MIA3: variants seen among roughly 807,000 people sequenced by gnomAD.
MIA3 encodes transport and Golgi organization protein 1 homolog.
In MIA3, 90 loss-of-function variants were observed where a neutral mutation model predicts 192.4. The ratio of observed to expected loss-of-function variants is 0.47; its 90% CI spans 0.39 to 0.56. The LOEUF is 0.56. Ranked by LOEUF, MIA3 falls within the 20% of genes least tolerant of loss-of-function variation. The probability of loss-of-function intolerance (pLI) is 0.00; values close to 1 mark genes in which losing one functional copy is unlikely to be tolerated. For synonymous variants in MIA3, 740 were observed against 792.8 expected (o/e 0.93, Z 1.12); for missense variants, 2,123 against 2,269.4 (o/e 0.94, Z 1.31).
intron 6 of MIA3, among the ~76,000 whole-genome samples, chr1:222,645,197 C>G (rs1479812001): frequency 6.6e-6 from 1 of 152,084 alleles, no homozygotes; most frequent in African/African-American, 2.4e-5. Context: ...GGTTTTTTGT[C>G]TTATGTGGTT....
At position 222,665,289 on chromosome 1, in the gene MIA3, AAAT is replaced by A; in HGVS notation, c.5414-16_5414-14del. 6.4e-7 allele frequency: 1 copy of A among 1,553,738 alleles called. No homozygotes were observed. Among genetic ancestry groups the A allele is most frequent in the Non-Finnish European group, 8.7e-7 (1 of 1,148,470 alleles). On this transcript the variant is annotated splice_polypyrimidine_tract_variant and intron_variant, in intron 27 of 27. Transcript: ENST00000344922. ...AAATACGTTCCTAGGAATTTACTGG[AAAT>A]AATTTTTGTTTTCCAGGCCCTGGTA...
rs753973194 is a variant in MIA3, at chr1:222,659,542, T to C, written c.4770+29T>C. 52 of 1,610,832 alleles carry C rather than the reference T, an allele frequency of 3.2e-5. No individual in the cohort carries two copies. In the South Asian group the frequency reaches 5.5e-4, roughly 17 times the overall value. ...ATAATTCTAGTGCCCTACTATATAG[T>C]GCCCGGAATTCTTTGATAACTAATA... On this transcript the variant is annotated intron_variant, in intron 20 of 27. Coordinates refer to ENST00000344922, the MANE Select transcript of MIA3 (RefSeq NM_198551.4).
At chr1:222,658,544 T>C (rs985597553) in intron 18 of MIA3, 178 bp from the exon 19 acceptor site, 6 of 471,010 alleles carry the variant, frequency 1.3e-5, no homozygotes, top group South Asian at 2.8e-5. Context: ...GCAGGTGATG[T>C]ATCAACAGGC....
At chr1:222,644,903 A>G (rs1379503991) in intron 6 of MIA3, among the ~76,000 whole-genome samples, 1 of 152,112 alleles carries the variant, frequency 6.6e-6, no homozygotes, top group East Asian at 1.9e-4. Flanking sequence ...GGATGGGACC[A>G]GTGTGATAGT....
rs1230234401 is a variant in MIA3 at position 222,667,310 on chromosome 1, C to G, written c.*1691C>G. On this transcript the variant is annotated 3_prime_UTR_variant, in exon 28 of 28. Coordinates refer to ENST00000344922, the MANE Select transcript of MIA3 (RefSeq NM_198551.4). Reference sequence around the variant, plus strand: ...GAAAACTCCACAGAAGAGCATAGGCCACTTTTAGCCATGTAAAAATAAGAT... The same window carrying G: ...GAAAACTCCACAGAAGAGCATAGGCGACTTTTAGCCATGTAAAAATAAGAT... The G allele has an allele frequency of 6.6e-6, 1 of 152,072 alleles. No individual in the cohort carries two copies. Among genetic ancestry groups the G allele is most frequent in the Non-Finnish European group, 1.5e-5 (1 of 67,988 alleles). The allele number at this position is 152,072 out of a possible 1,614,324, so 9.4% of individuals were successfully genotyped here.
chr1:222,629,207 G>A lies in MIA3; in HGVS notation c.1987G>A (p.Val663Met), dbSNP rs568716602. Residue 663 changes from valine to methionine, a missense_variant, in exon 4 of 28, where the codon GTG becomes ATG. By Grantham distance (21) the Val-to-Met change is conservative. This residue lies in a region of MIA3 where 1,357 missense variants were observed against 1,396.1 expected (regional missense o/e 0.97). Transcript: ENST00000344922. Reference protein sequence around the residue: ...RNLPWQQERDVAATASKQMSE... With the variant: ...RNLPWQQERDMAATASKQMSE... ...TCTTCCCTGGCAACAAGAAAGAGATGTGGCTGCCACAGCCAGTAAGCAAAT... is the reference window on the plus strand; with the variant it reads ...TCTTCCCTGGCAACAAGAAAGAGATATGGCTGCCACAGCCAGTAAGCAAAT... 8.7e-6 allele frequency: 14 copies of A among 1,614,198 alleles called. No individual in the cohort carries two copies. Among genetic ancestry groups the A allele is most frequent in the Admixed American group, 3.3e-5 (2 of 60,026 alleles).
At chr1:222,618,656 C>A (rs1443375843) in intron 1 of MIA3, among the ~76,000 whole-genome samples, 2 of 152,118 alleles carry the variant, frequency 1.3e-5, no homozygotes, top group Non-Finnish European at 2.9e-5. Context: ...GGGCTCCCCA[C>A]GCCGCAACCA....
chr1:222,647,391 C>G (rs1326536673), intron 7 of MIA3, among the ~76,000 whole-genome samples: 1 of 152,018 alleles, frequency 6.6e-6, no homozygotes, highest in African/African-American at 2.4e-5. Context: ...TTAAAATGGC[C>G]AAAATTATTG....
In MIA3 at chr1:222,662,094, G is replaced by A; in HGVS notation, c.5152G>A (p.Ala1718Thr). 1 of 1,614,144 alleles carries A rather than the reference G, an allele frequency of 6.2e-7. No individual in the cohort carries two copies. The highest frequency in any genetic ancestry group is 8.5e-7 in the Non-Finnish European group (1 of 1,179,976). The change falls in exon 25 of 28, where the codon GCT (alanine) becomes ACT (threonine). Residue 1718 changes from alanine to threonine, a missense_variant. This residue lies in a region of MIA3 where 762 missense variants were observed against 856.4 expected (regional missense o/e 0.89). Coordinates refer to ENST00000344922, the MANE Select transcript of MIA3 (RefSeq NM_198551.4). ...DGPLPHPRWS[A>T]EASGKPSPSD... ...GCCTCTACCTCATCCTCGATGGTCA[G>A]CTGAGGCATCTGGGAAACCCTCTCC...
Position 222,629,425 on chromosome 1 carries a change from C to T in MIA3, c.2205C>T (p.Asn735=), listed in dbSNP as rs373296733. Residue 735 remains asparagine, a synonymous_variant, in exon 4 of 28, where the codon AAC becomes AAT. Transcript: ENST00000344922. The stretch of plus-strand genomic sequence containing the variant: ...CTGAAGAACTACTAGAGGATGAAAA[C>T]GCTATAAATGCAAAACGGTCTAAAG... ...YPSEELLEDE[N]AINAKRSKEK... 273 of 1,613,990 alleles carry T rather than the reference C, an allele frequency of 1.7e-4. No homozygotes were observed. Among genetic ancestry groups the T allele is most frequent in the South Asian group, 7.7e-5 (7 of 91,088 alleles).
At chr1:222,638,273 A>G (rs766520972) in intron 6 of MIA3, among the ~76,000 whole-genome samples, 9 of 152,248 alleles carry the variant, frequency 5.9e-5, no homozygotes, top group East Asian at 1.9e-4. Context: ...TCTCTTCACA[A>G]TATAATTAAG....
At chr1:222,652,849 G>A (rs1251670962) in intron 13 of MIA3, among the ~76,000 whole-genome samples, 159 bp from the exon 14 acceptor site, 1 of 152,194 alleles carries the variant, frequency 6.6e-6, no homozygotes, top group Admixed American at 6.5e-5. Flanking sequence ...AGCTCTGAGG[G>A]TTGGGGCCAC....
At chr1:222,644,475 A>T in intron 6 of MIA3, 1 of 1,550,546 alleles carries the variant, frequency 6.4e-7, no homozygotes, top group Non-Finnish European at 8.7e-7. Flanking sequence ...TGTTCTACAC[A>T]ATGGACTCAG....
In MIA3 at chr1:222,628,825, C is replaced by G. The variant is rs765174023; in HGVS notation, c.1605C>G (p.Ile535Met). 1 of 1,614,114 alleles carries G rather than the reference C, an allele frequency of 6.2e-7. No individual in the cohort carries two copies. The highest frequency in any genetic ancestry group is 2.2e-5 in the East Asian group (1 of 44,886). Residue 535 changes from isoleucine to methionine, a missense_variant, in exon 4 of 28, where the codon ATC becomes ATG. By Grantham distance (10) the Ile-to-Met change is conservative. This residue lies in a region of MIA3 where 1,357 missense variants were observed against 1,396.1 expected (regional missense o/e 0.97). Transcript: ENST00000344922. ...ENDLKGAAIH[I>M]SKGMLHEEKP... is the part of the protein sequence containing the mutation. ...ACCTAAAAGGAGCAGCTATTCATAT[C>G]TCAAAAGGAATGCTCCACGAAGAAA...
At position 222,628,823 on chromosome 1, in the gene MIA3, A is replaced by G. The variant is rs1486955238; in HGVS notation, c.1603A>G (p.Ile535Val). The G allele has an allele frequency of 1.2e-6, 2 of 1,614,184 alleles. No homozygotes were observed. The highest frequency in any genetic ancestry group is 2.2e-5 in the East Asian group (1 of 44,890). ...ENDLKGAAIHISKGMLHEEKP... is the reference protein window; with the variant it reads ...ENDLKGAAIHVSKGMLHEEKP... ...TGACCTAAAAGGAGCAGCTATTCATATCTCAAAAGGAATGCTCCACGAAGA... is the reference window on the plus strand; with the variant it reads ...TGACCTAAAAGGAGCAGCTATTCATGTCTCAAAAGGAATGCTCCACGAAGA... Residue 535 changes from isoleucine (I) to valine (V), a missense_variant, in exon 4 of 28, where the codon ATC becomes GTC. Transcript: ENST00000344922.
intron 6 of MIA3, among the ~76,000 whole-genome samples, chr1:222,633,587 C>T (rs143453895): frequency 1.0e-3 from 157 of 152,244 alleles, no homozygotes; most frequent in African/African-American, 3.3e-3. Context: ...GATGGTAGAA[C>T]AATCTGTGGC....
rs185784506 is a variant in MIA3, at chr1:222,663,870, T to G, written c.5263-128T>G. 2.9e-4 allele frequency: 252 copies of G among 866,114 alleles called. 1 individual carries two copies. In the African/African-American group the frequency reaches 3.8e-3, roughly 13 times the overall value. The allele number at this position is 866,114 out of a possible 1,614,324, so 53.7% of individuals were successfully genotyped here. ...GAACAAATGAGAGGGGTAGAGTTTT[T>G]TGCACTAATTCTGCTCTTTGGACAA... On this transcript the variant is annotated intron_variant, in intron 26 of 27. Transcript: ENST00000344922.
intron 3 of MIA3, among the ~76,000 whole-genome samples, chr1:222,626,135 T>C (rs1662107518): frequency 6.6e-6 from 1 of 152,224 alleles, no homozygotes; most frequent in African/African-American, 2.4e-5. Context: ...TTTGAGTAGC[T>C]CTTTGGAGTT....
Position 222,666,650 on chromosome 1 carries a change from T to G in MIA3, c.*1031T>G, listed in dbSNP as rs1664301469. 1 of 125,932 alleles carries G rather than the reference T, an allele frequency of 7.9e-6. No homozygotes were observed. The highest frequency in any genetic ancestry group is 9.3e-5 in the Admixed American group (1 of 10,808). 7.8% of individuals were successfully genotyped at this position (125,932 alleles called of 1,614,324 possible). On this transcript the variant is annotated 3_prime_UTR_variant, in exon 28 of 28. Transcript: ENST00000344922. ...ATTTAGGACTGTGAGGGTTATAACATGCCCTAGGTCAGCAACCAAGGGTTG... is the reference window on the plus strand; with the variant it reads ...ATTTAGGACTGTGAGGGTTATAACAGGCCCTAGGTCAGCAACCAAGGGTTG...
Sources: gnomAD v4.1 joint callset for allele counts (sites outside exome capture counted in the v4.1 genomes callset) on GRCh38, gnomAD v4.1.1 for gene constraint, gnomAD v4.1.1 regional missense constraint, MANE v1.5 for transcripts, NCBI Gene and HGNC (gene_info 2026-07-23, HGNC 2026-07-21) for gene names.